Variants in KCND1 observed in about 807,000 individuals in gnomAD.
KCND1 encodes potassium voltage-gated channel subfamily D member 1.
Under a neutral mutation model 31.8 loss-of-function variants are expected in KCND1, and 11 were observed. The observed-to-expected ratio is 0.35, with a 90% CI of 0.22 to 0.57. KCND1 has a LOEUF of 0.57. KCND1 is among the 20% of genes least tolerant of loss of function. The pLI is 0.85. For missense variants in KCND1, 471 were observed against 596.8 expected (o/e 0.79, Z 2.20); for synonymous variants, 234 against 248.1 (o/e 0.94, Z 0.53).
In KCND1 at chrX:48,970,065, C is replaced by T. The variant is rs782207073; in HGVS notation, c.207G>A (p.Ser69=). The change falls in exon 1 of 6, where the codon TCG becomes TCA. Residue 69 remains serine, a synonymous_variant. Coordinates refer to ENST00000218176, the MANE Select transcript of KCND1 (RefSeq NM_004979.6). ...DRYPDTLLGS[S]EKEFFYDADS... ...CAGCATCGTAGAAGAATTCCTTCTCCGAGCTGCCCAGCAAGGTGTCTGGGT... is the reference window on the plus strand; with the variant it reads ...CAGCATCGTAGAAGAATTCCTTCTCTGAGCTGCCCAGCAAGGTGTCTGGGT... The T allele has an allele frequency of 1.6e-5, 19 of 1,208,960 alleles. No individual in the cohort carries two copies. The highest frequency in any genetic ancestry group is 2.3e-4 in the Middle Eastern group (1 of 4,354).
intron 1 of KCND1, 24 bp downstream of exon 1, chrX:48,969,127 C>T (rs368517287): frequency 2.5e-6 from 3 of 1,188,702 alleles, no homozygotes; most frequent in Non-Finnish European, 3.4e-6. Flanking sequence ...ATCGGGCAGC[C>T]CCCAACGCAG....
In KCND1 at chrX:48,962,668, G is replaced by A. The variant is rs376402129; in HGVS notation, c.1857C>T (p.Gly619=). ...TGAGGGTGCTGCCGGCCCTGCCACC[G>A]CCGCCAGGGGAGGAAGGTTGGCTCT... The part of the protein sequence containing the change: ...PDESQPSSPG[G]GGRAGSTLRN... Residue 619 remains glycine (G), a synonymous_variant, in exon 6 of 6, where the codon GGC becomes GGT. Coordinates refer to ENST00000218176, the MANE Select transcript of KCND1 (RefSeq NM_004979.6). The A allele has an allele frequency of 5.0e-6, 6 of 1,207,583 alleles. No homozygotes were observed. The African/African-American group carries it at 8.8e-5, about 18-fold the overall frequency.
In KCND1 at chrX:48,964,946, C is replaced by T. The variant is rs1197669410; in HGVS notation, c.1718+1109G>A. Reference sequence around the variant, plus strand: ...CTGAGGCAGGAGAATCGCTTGAACCCGGGAGGCGGAGGTTGCAGTGGGCCG... The same window carrying T: ...CTGAGGCAGGAGAATCGCTTGAACCTGGGAGGCGGAGGTTGCAGTGGGCCG... On this transcript the variant is annotated intron_variant, in intron 5 of 5. Transcript: ENST00000218176. Among the ~76,000 whole-genome samples the T allele has an allele frequency of 3.5e-4, 34 of 96,800 alleles. No homozygotes were observed. The South Asian group carries it at 0.016, about 44-fold the overall frequency. 84.1% of individuals were successfully genotyped at this position (96,800 alleles called of 115,157 possible). A position where few individuals can be genotyped will look rare whatever the true frequency, so the allele number is the denominator to read the frequency against.
At chrX:48,969,025 G>A in intron 1 of KCND1, 126 bp downstream of exon 1, 1 of 717,852 alleles carries the variant, frequency 1.4e-6, no homozygotes. Context: ...CTGTACTCCA[G>A]CCTGGGCGAC....
chrX:48,965,815 G>A (rs2064348892), intron 5 of KCND1, among the ~76,000 whole-genome samples: 2 of 108,834 alleles, frequency 1.8e-5, no homozygotes, highest in Non-Finnish European at 3.8e-5. Context: ...GGTGGAGGCT[G>A]CAGCGAGCTG....
chrX:48,963,152 GA>G (rs1164459120), intron 5 of KCND1, among the ~76,000 whole-genome samples: 15 of 81,347 alleles, frequency 1.8e-4, no homozygotes, highest in Admixed American at 4.2e-4. Context: ...AAAAAAAAAA[GA>G]AAAAAAGTTA....
chrX:48,966,450 T>C (rs960715412), intron 4 of KCND1, 128 bp downstream of exon 4: 3 of 1,000,461 alleles, frequency 3.0e-6, no homozygotes, highest in Non-Finnish European at 4.1e-6. Context: ...GGCTCTCCTG[T>C]AGCCTCTTCC....
In KCND1 at chrX:48,970,391, T is replaced by C. The variant is rs2064381608; in HGVS notation, c.-120A>G. 3 of 660,368 alleles carry C rather than the reference T, an allele frequency of 4.5e-6. No individual in the cohort carries two copies. The highest frequency in any genetic ancestry group is 6.6e-6 in the Non-Finnish European group (3 of 453,678). The allele number at this position is 660,368 out of a possible 1,213,427, so 54.4% of individuals were successfully genotyped here. ...GCCACCCAAACAAGGAAACTGGGGG[T>C]GTCTAGAGAGGCCAAGAGGAACCAG... On this transcript the variant is annotated 5_prime_UTR_variant, in exon 1 of 6. Transcript: ENST00000218176.
rs1336638887 is a variant in KCND1 at position 48,969,132 on chromosome X, A to G, written c.1121+19T>C. The G allele has an allele frequency of 6.7e-6, 8 of 1,193,059 alleles. No homozygotes were observed. Among genetic ancestry groups the G allele is most frequent in the African/African-American group, 3.6e-5 (2 of 56,286 alleles). ...GGTGAGTGTAATCGGGCAGCCCCCAACGCAGAGTCCACACTCACCCAAGCG... is the reference window on the plus strand; with the variant it reads ...GGTGAGTGTAATCGGGCAGCCCCCAGCGCAGAGTCCACACTCACCCAAGCG... On this transcript the variant is annotated intron_variant, in intron 1 of 5. Coordinates refer to ENST00000218176, the MANE Select transcript of KCND1 (RefSeq NM_004979.6).
chrX:48,961,697 C>T lies in KCND1; in HGVS notation c.*884G>A, dbSNP rs1557057077. On this transcript the variant is annotated 3_prime_UTR_variant, in exon 6 of 6. Transcript: ENST00000218176. Reference sequence around the variant, plus strand: ...CCCATGATCTCCAAATACAGCCCAGCTCTTGCTGGTTGCCAGGCTCTTATC... The same window carrying T: ...CCCATGATCTCCAAATACAGCCCAGTTCTTGCTGGTTGCCAGGCTCTTATC... 2.7e-5 allele frequency: 3 copies of T among 112,229 alleles called. No individual in the cohort carries two copies. Among genetic ancestry groups the T allele is most frequent in the Non-Finnish European group, 3.8e-5 (2 of 53,214 alleles). 9.2% of individuals were successfully genotyped at this position (112,229 alleles called of 1,213,427 possible).
intron 1 of KCND1, 22 bp from the exon 2 acceptor site, chrX:48,967,128 C>T (rs200989989): frequency 5.7e-4 from 679 of 1,197,181 alleles, no homozygotes; most frequent in Non-Finnish European, 7.1e-4. Flanking sequence ...GGAGGTAGGC[C>T]AAGGTCAGGA....
chrX:48,969,981 GA>G lies in KCND1; in HGVS notation c.290del (p.Phe97SerfsTer31). On this transcript the variant is annotated frameshift_variant, in exon 1 of 6. Transcript: ENST00000218176. LOFTEE classifies it high-confidence loss of function. ...DPDMFRHVLN[F>X]YRTGRLHCPR... is the part of the protein sequence containing the mutation. ...GGCAATGCAGCCGCCCCGTTCGGTA[GA>G]AGTTCAGCACATGGCGGAACATGTC... 1 of 1,211,941 alleles carries G rather than the reference GA, an allele frequency of 8.3e-7. No individual in the cohort carries two copies. Among genetic ancestry groups the G allele is most frequent in the Non-Finnish European group, 1.1e-6 (1 of 895,350 alleles).
Position 48,969,818 on chromosome X carries a change from C to T in KCND1, c.454G>A (p.Glu152Lys). Residue 152 changes from glutamate (E) to lysine (K), a missense_variant, in exon 1 of 6, where the codon GAG (glutamate) becomes AAG (lysine). Around this residue, in one of 3 missense-constraint regions of KCND1, gnomAD observed 212 missense variants for 257.9 expected, o/e 0.82. Coordinates refer to ENST00000218176, the MANE Select transcript of KCND1 (RefSeq NM_004979.6). ...ENAERLAEDE[E>K]AEQAGDGPAL... ...GGGCCGTCCCCGGCCTGCTCTGCCT[C>T]CTCATCCTCTGCCAGGCGCTCGGCA... The T allele has an allele frequency of 8.3e-7, 1 of 1,209,708 alleles. No homozygotes were observed. The highest frequency in any genetic ancestry group is 1.1e-6 in the Non-Finnish European group (1 of 894,545).
In KCND1 at chrX:48,969,467, C is replaced by T. The variant is rs782396703; in HGVS notation, c.805G>A (p.Val269Met). The stretch of plus-strand genomic sequence containing the variant: ...ATGTAGTAGGGCAGGATGGCCACCA[C>T]GTCGATGAGGCTCATGACACTCCGC... ...FLRSVMSLID[V>M]VAILPYYIGL... The change falls in exon 1 of 6, where the codon GTG becomes ATG. Residue 269 changes from valine (V) to methionine (M), a missense_variant. Val to Met is a conservative substitution (Grantham distance 21). Coordinates refer to ENST00000218176, the MANE Select transcript of KCND1 (RefSeq NM_004979.6). 4.1e-6 allele frequency: 5 copies of T among 1,210,042 alleles called. No individual in the cohort carries two copies. The highest frequency in any genetic ancestry group is 1.8e-5 in the South Asian group (1 of 56,753).
Position 48,961,959 on chromosome X carries a change from A to G in KCND1, c.*622T>C, listed in dbSNP as rs1465916575. On this transcript the variant is annotated 3_prime_UTR_variant, in exon 6 of 6. Transcript: ENST00000218176. ...CAGCAGCCAGGGAAGGGGATGGTAG[A>G]ATTTGTGCTATCTGAGTGTGTGTTG... The G allele has an allele frequency of 2.7e-5, 3 of 113,026 alleles. No individual in the cohort carries two copies. Among genetic ancestry groups the G allele is most frequent in the Non-Finnish European group, 3.8e-5 (2 of 53,328 alleles). The allele number at this position is 113,026 out of a possible 1,213,427, so 9.3% of individuals were successfully genotyped here. A position where few individuals can be genotyped will look rare whatever the true frequency, so the allele number is the denominator to read the frequency against.
chrX:48,967,189 C>G, intron 1 of KCND1, 83 bp from the exon 2 acceptor site: 1 of 862,856 alleles, frequency 1.2e-6, no homozygotes, highest in South Asian at 2.3e-5. Context: ...CTAATCCGGA[C>G]TAGCTCTGTG....
Position 48,969,960 on chromosome X carries a change from A to G in KCND1, c.312T>C (p.His104=), listed in dbSNP as rs1255919714. ...CCTGGATGCACTCCTGCCGTGGGCA[A>G]TGCAGCCGCCCCGTTCGGTAGAAGT... ...VLNFYRTGRL[H]CPRQECIQAF... The change falls in exon 1 of 6, where the codon CAT becomes CAC. Residue 104 remains histidine (H), a synonymous_variant. Transcript: ENST00000218176. 1.4e-5 allele frequency: 17 copies of G among 1,210,116 alleles called. No homozygotes were observed. The highest frequency in any genetic ancestry group is 1.8e-5 in the Non-Finnish European group (16 of 894,924).
rs1557058452 is a variant in KCND1, at chrX:48,969,442, A to G, written c.830T>C (p.Ile277Thr). Reference protein sequence around the residue: ...IDVVAILPYYIGLLVPKNDDV... With the variant: ...IDVVAILPYYTGLLVPKNDDV... ...GTCGTTCTTGGGCACCAAAAGCCCA[A>G]TGTAGTAGGGCAGGATGGCCACCAC... Residue 277 changes from isoleucine (I) to threonine (T), a missense_variant, in exon 1 of 6, where the codon ATT (isoleucine) becomes ACT (threonine). This residue lies in a region of KCND1 where 74 missense variants were observed against 154.2 expected (regional missense o/e 0.48). Coordinates refer to ENST00000218176, the MANE Select transcript of KCND1 (RefSeq NM_004979.6). 3.3e-6 allele frequency: 4 copies of G among 1,209,868 alleles called. No individual in the cohort carries two copies. Among genetic ancestry groups the G allele is most frequent in the Non-Finnish European group, 3.4e-6 (3 of 894,974 alleles).
At position 48,966,263 on chromosome X, in the gene KCND1, C is replaced by T. The variant is rs1557058010; in HGVS notation, c.1510G>A (p.Gly504Arg). ...GTGCGGCCACCCGGCGAGACGGCTCCCAGGGCTTCACTGAAGGTGAGCTCA... is the reference window on the plus strand; with the variant it reads ...GTGCGGCCACCCGGCGAGACGGCTCTCAGGGCTTCACTGAAGGTGAGCTCA... Reference protein sequence around the residue: ...TDELTFSEALGAVSPGGRTSR... With the variant: ...TDELTFSEALRAVSPGGRTSR... Residue 504 changes from glycine to arginine, a missense_variant, in exon 5 of 6, where the codon GGA (glycine) becomes AGA (arginine). Gly to Arg is a moderately radical substitution (Grantham distance 125). Around this residue, in one of 3 missense-constraint regions of KCND1, gnomAD observed 185 missense variants for 184.7 expected, o/e 1.00. Coordinates refer to ENST00000218176, the MANE Select transcript of KCND1 (RefSeq NM_004979.6). 8.4e-7 allele frequency: 1 copy of T among 1,191,990 alleles called. No individual in the cohort carries two copies. The highest frequency in any genetic ancestry group is 1.7e-5 in the African/African-American group (1 of 57,561).
Sources: allele counts gnomAD v4.1 joint callset (sites outside exome capture counted in the v4.1 genomes callset), GRCh38; gene constraint gnomAD v4.1.1; regional missense constraint gnomAD v4.1.1; transcripts MANE v1.5; gene names NCBI Gene and HGNC (gene_info 2026-07-23, HGNC 2026-07-21).